Variants in SORCS3 observed in about 807,000 individuals in gnomAD.
SORCS3 encodes VPS10 domain-containing receptor SorCS3.
A neutral mutation model predicts 146.3 loss-of-function variants in SORCS3; 57 were observed. The observed-to-expected ratio is 0.39, with a 90% confidence interval of 0.31 to 0.49. The LOEUF (loss-of-function observed/expected upper bound fraction) is 0.49, where lower values mean the gene tolerates loss of function less well. Ranked by LOEUF, SORCS3 falls within the 20% of genes least tolerant of loss-of-function variation. The pLI, the probability that SORCS3 is intolerant of heterozygous loss-of-function variation, is 0.92. For synonymous variants in SORCS3, 653 were observed against 618.5 expected, an observed-to-expected ratio of 1.06 and a Z score of -0.83; for missense variants, 1,341 against 1,575.5, an observed-to-expected ratio of 0.85 and a Z score of 2.52.
At chr10:104,746,048 G>A (rs1161196107) in intron 1 of SORCS3, among the ~76,000 whole-genome samples, 1 of 151,860 alleles carries the variant, frequency 6.6e-6, no homozygotes, top group Non-Finnish European at 1.5e-5. Context: ...AAGAAATTAT[G>A]ACCCAATTTA....
At chr10:104,788,930 C>G (rs140127631) in intron 1 of SORCS3, among the ~76,000 whole-genome samples, 13 of 152,296 alleles carry the variant, frequency 8.5e-5, no homozygotes, top group African/African-American at 2.9e-4. Context: ...TACACCACAC[C>G]GATTTGTTAT....
chr10:105,045,231 A>G (rs1346929163), intron 5 of SORCS3, among the ~76,000 whole-genome samples: 3 of 152,080 alleles, frequency 2.0e-5, no homozygotes, highest in East Asian at 1.9e-4. Flanking sequence ...TATATTTTGC[A>G]AAGAGCAAGA....
chr10:104,713,295 AAAG>A lies in SORCS3; in HGVS notation c.627+71348_627+71350del, dbSNP rs1190722188. Among the ~76,000 whole-genome samples the A allele has an allele frequency of 9.2e-5, 14 of 152,202 alleles. 1 individual carries two copies. The highest frequency in any genetic ancestry group is 8.8e-5 in the Non-Finnish European group (6 of 68,038). ...TTTGTTGCATGTGGGTGGTGGTAAC[AAAG>A]AAGAAGTCCCAACCCTCCTCAGCCT... is the stretch of plus-strand genomic sequence containing the variant. On this transcript the variant is annotated intron_variant, in intron 1 of 26. Transcript: ENST00000369701.
At chr10:104,671,735 CGT>C (rs770427369) in intron 1 of SORCS3, among the ~76,000 whole-genome samples, 3 of 151,932 alleles carry the variant, frequency 2.0e-5, no homozygotes, top group Non-Finnish European at 4.4e-5. Flanking sequence ...CTAAGGTGAT[CGT>C]GTGTTTTTTT....
intron 3 of SORCS3, among the ~76,000 whole-genome samples, chr10:104,930,922 C>T (rs964899791): frequency 1.3e-5 from 2 of 152,096 alleles, no homozygotes; most frequent in Non-Finnish European, 2.9e-5. Context: ...GTGACCAACC[C>T]GTGGTACCCT....
chr10:105,024,648 A>G (rs1472310914), intron 4 of SORCS3, among the ~76,000 whole-genome samples: 3 of 152,208 alleles, frequency 2.0e-5, no homozygotes, highest in Admixed American at 6.5e-5. Context: ...AACAGCCCCA[A>G]TCCCCATTCC....
Position 104,917,241 on chromosome 10 carries a change from A to G in SORCS3, c.795+1309A>G, listed in dbSNP as rs146942160. ...GAGTAGTTTCTTTTTTCTTTGTCCC[A>G]AAGCATTGCCATTTTCACATCTTTC... On this transcript the variant is annotated intron_variant, in intron 3 of 26. Coordinates refer to ENST00000369701, the MANE Select transcript of SORCS3 (RefSeq NM_014978.3). Among the ~76,000 whole-genome samples, 568 of 152,290 alleles carry G rather than the reference A, an allele frequency of 3.7e-3. 5 individuals are homozygous for G. The highest frequency in any genetic ancestry group is 0.013 in the African/African-American group (527 of 41,556).
At chr10:104,961,295 C>T (rs1344949179) in intron 3 of SORCS3, among the ~76,000 whole-genome samples, 2 of 152,166 alleles carry the variant, frequency 1.3e-5, no homozygotes, top group Admixed American at 1.3e-4. Context: ...CCTGTGACAA[C>T]ATTGTGCCAA....
intron 5 of SORCS3, among the ~76,000 whole-genome samples, chr10:105,083,873 G>A (rs61867240): frequency 3.9e-5 from 6 of 152,196 alleles, no homozygotes; most frequent in Non-Finnish European, 7.3e-5. Flanking sequence ...AGGCAATGAG[G>A]CATGATGTTT....
At chr10:105,069,130 A>G (rs555125816) in intron 5 of SORCS3, among the ~76,000 whole-genome samples, 1 of 152,204 alleles carries the variant, frequency 6.6e-6, no homozygotes, top group Admixed American at 6.5e-5. Context: ...TTCCAAACTC[A>G]TAGTCATGTA....
intron 14 of SORCS3, among the ~76,000 whole-genome samples, chr10:105,189,893 A>C (rs2056505533): frequency 6.6e-6 from 1 of 152,234 alleles, no homozygotes; most frequent in African/African-American, 2.4e-5. Context: ...GCTCAGAGTC[A>C]ACTACATAAT....
intron 4 of SORCS3, among the ~76,000 whole-genome samples, chr10:105,020,341 T>C (rs2133688172): frequency 6.6e-6 from 1 of 152,346 alleles, no homozygotes; most frequent in South Asian, 2.1e-4. Flanking sequence ...CAAGTCTTCA[T>C]TGGCTCTCCT....
chr10:104,811,734 G>A (rs146241379), intron 1 of SORCS3, among the ~76,000 whole-genome samples: 5 of 152,158 alleles, frequency 3.3e-5, no homozygotes, highest in African/African-American at 9.7e-5. Context: ...TTAGCGGAGC[G>A]GTGCAGGGCA....
At chr10:104,815,052 G>C (rs1165382123) in intron 1 of SORCS3, among the ~76,000 whole-genome samples, 1 of 152,122 alleles carries the variant, frequency 6.6e-6, no homozygotes, top group East Asian at 1.9e-4. Context: ...CAGTCTGAAG[G>C]AGGAGAAAAG....
intron 7 of SORCS3, among the ~76,000 whole-genome samples, chr10:105,125,115 A>C (rs2055964105): frequency 6.6e-6 from 1 of 152,190 alleles, no homozygotes; most frequent in African/African-American, 2.4e-5. Context: ...TTCCTCTGAC[A>C]TATCTGCCAC....
intron 3 of SORCS3, among the ~76,000 whole-genome samples, chr10:104,960,449 G>T (rs939199639): frequency 6.6e-6 from 1 of 152,116 alleles, no homozygotes; most frequent in Non-Finnish European, 1.5e-5. Flanking sequence ...GGTACATCTG[G>T]TGAGTGTCTT....
intron 1 of SORCS3, among the ~76,000 whole-genome samples, chr10:104,809,617 A>G (rs907954591): frequency 3.9e-5 from 6 of 152,196 alleles, no homozygotes; most frequent in African/African-American, 1.4e-4. Flanking sequence ...GTGTGGTTGC[A>G]GGAATGTGTG....
rs949365608 is a variant in SORCS3, at chr10:105,253,571, C to T, written c.3237+665C>T. Reference sequence around the variant, plus strand: ...TCTATTCCTCCTGAGGTCTTAATGCCTGCACTGTTTCACCCTTCCTTTCTT... The same window carrying T: ...TCTATTCCTCCTGAGGTCTTAATGCTTGCACTGTTTCACCCTTCCTTTCTT... On this transcript the variant is annotated intron_variant, in intron 23 of 26. Coordinates refer to ENST00000369701, the MANE Select transcript of SORCS3 (RefSeq NM_014978.3). Among the ~76,000 whole-genome samples, 5 of 152,158 alleles carry T rather than the reference C, an allele frequency of 3.3e-5. No individual in the cohort carries two copies. In the South Asian group the frequency reaches 6.2e-4, roughly 19 times the overall value.
At chr10:105,203,595 T>A (rs762772530) in intron 16 of SORCS3, among the ~76,000 whole-genome samples, 14 of 152,172 alleles carry the variant, frequency 9.2e-5, no homozygotes, top group Non-Finnish European at 1.3e-4. Flanking sequence ...AAATATTTTC[T>A]CATCAGTAAT....
Sources: gnomAD v4.1 joint callset for allele counts (sites outside exome capture counted in the v4.1 genomes callset) on GRCh38, gnomAD v4.1.1 for gene constraint, MANE v1.5 for transcripts, NCBI Gene and HGNC (gene_info 2026-07-23, HGNC 2026-07-21) for gene names.